NYAP2: variants seen among roughly 807,000 people sequenced by gnomAD.
NYAP2 encodes the protein neuronal tyrosine-phosphorylated phosphoinositide-3-kinase adapter 2.
A neutral mutation model predicts 50.4 loss-of-function variants in NYAP2; 23 were observed. The observed-to-expected ratio is 0.46, with a 90% CI of 0.33 to 0.65. The LOEUF (loss-of-function observed/expected upper bound fraction) is 0.65. Among genes scored for constraint, NYAP2 ranks in the 30% least tolerant of loss-of-function variants. The pLI, the probability that NYAP2 is intolerant of heterozygous loss-of-function variation, is 0.02. For synonymous variants in NYAP2, 394 were observed against 365.2 expected (o/e 1.08, Z -0.90); for missense variants, 885 against 861.0 (o/e 1.03, Z -0.35).
chr2:225,568,216 A>G lies in NYAP2; in HGVS notation c.524-13725A>G, dbSNP rs895648226. ...TGATTTCCCTCTGCCCTGTCCCTTC[A>G]TGCCTTCCCTTGACCTTTACTTAAA... On this transcript the variant is annotated intron_variant, in intron 4 of 6. Coordinates refer to ENST00000636099, the Ensembl canonical transcript of NYAP2. 3.3e-5 allele frequency among the ~76,000 whole-genome samples: 5 copies of G among 152,164 alleles called. 1 individual carries two copies. In the South Asian group the frequency reaches 1.0e-3, roughly 32 times the overall value.
chr2:225,548,266 A>G (rs191446423), intron 4 of NYAP2, among the ~76,000 whole-genome samples: 26 of 150,578 alleles, frequency 1.7e-4, no homozygotes, highest in Admixed American at 1.1e-3. Context: ...TCATACTTTT[A>G]AAATATGGAA....
intron 5 of NYAP2, among the ~76,000 whole-genome samples, chr2:225,603,069 G>A (rs1044402611): frequency 6.6e-6 from 1 of 152,126 alleles, no homozygotes; most frequent in Non-Finnish European, 1.5e-5. Context: ...AAAATATTAG[G>A]CTGAGGCGTC....
At chr2:225,668,920 T>G in the NYAP2 span, among the ~76,000 whole-genome samples, 1 of 137,106 alleles carries the variant, frequency 7.3e-6, no homozygotes, top group South Asian at 2.3e-4. Flanking sequence ...CAGGAATAAA[T>G]AAAGAAAAAA....
chr2:225,513,611 A>T, exon 4 of NYAP2: 1 of 1,560,948 alleles, frequency 6.4e-7, no homozygotes, highest in Admixed American at 1.9e-5. Flanking sequence ...TGAGCACCTC[A>T]TCAGAGACAG....
At chr2:225,671,818 A>C in the NYAP2 span, among the ~76,000 whole-genome samples, 2 of 152,178 alleles carry the variant, frequency 1.3e-5, no homozygotes, top group Non-Finnish European at 2.9e-5. Context: ...AGCAGGCATA[A>C]AAACATTAAT....
Position 225,582,421 on chromosome 2 carries a change from C to T in NYAP2, c.1004C>T (p.Pro335Leu). Residue 335 changes from proline to leucine, a missense_variant, in exon 5 of 7, where the codon CCG (proline) becomes CTG (leucine). Physicochemically the swap from Pro to Leu is moderately conservative, Grantham distance 98 (BLOSUM62 -3). Transcript: ENST00000636099. This position sits in a 1 kb window ranked among gnomAD's most constrained non-coding sequence, Gnocchi z 7.0. ...CCCAACCTGCTTTCTCACAGACCCC[C>T]GCTGCTGGTATTTCCCCCCGCCCCC... is the stretch of plus-strand genomic sequence containing the variant. 2.5e-6 allele frequency: 4 copies of T among 1,597,862 alleles called. No individual in the cohort carries two copies. The highest frequency in any genetic ancestry group is 3.4e-6 in the Non-Finnish European group (4 of 1,169,482).
chr2:225,621,711 AT>A (rs911827299), intron 5 of NYAP2, among the ~76,000 whole-genome samples: 200 of 148,884 alleles, frequency 1.3e-3, no homozygotes, highest in Non-Finnish European at 1.4e-3. Flanking sequence ...GTTTTTTTTT[AT>A]TTTTTTTTTA....
intron 4 of NYAP2, among the ~76,000 whole-genome samples, chr2:225,549,607 G>A (rs921692481): frequency 2.6e-5 from 4 of 152,162 alleles, no homozygotes. Context: ...AAAAAAATTT[G>A]ATTGTCATTA....
At chr2:225,604,429 A>C (rs1212871690) in intron 5 of NYAP2, among the ~76,000 whole-genome samples, 3 of 152,142 alleles carry the variant, frequency 2.0e-5, no homozygotes, top group Non-Finnish European at 1.5e-5. Context: ...AATCATATTT[A>C]ACTCCCTGAT....
intron 3 of NYAP2, among the ~76,000 whole-genome samples, chr2:225,501,388 A>C (rs980629446): frequency 4.7e-4 from 72 of 152,228 alleles, no homozygotes; most frequent in African/African-American, 1.6e-3. Context: ...GGGATTTGTT[A>C]AATAATGATT....
chr2:225,612,811 TGTGTGTGATGACATCACACC>T (rs1472993774), intron 5 of NYAP2, among the ~76,000 whole-genome samples: 1 of 59,690 alleles, frequency 1.7e-5, no homozygotes, highest in African/African-American at 6.3e-5. Flanking sequence ...TCACACCCAA[TGTGTGTGATGACATCACACC>T]CAATGTGTGT....
In NYAP2 at chr2:225,644,315, G is replaced by A. The variant is rs1478983302; in HGVS notation, c.1829-7117G>A. ...TTGTTTTTTTCCTGTAAATTTGTTT[G>A]AGTTCATTGTAGATTCTGGATATTA... On this transcript the variant is annotated intron_variant, in intron 6 of 6. Coordinates refer to ENST00000636099, the Ensembl canonical transcript of NYAP2. Among the ~76,000 whole-genome samples, 14 of 151,982 alleles carry A rather than the reference G, an allele frequency of 9.2e-5. No individual in the cohort carries two copies. The East Asian group carries it at 2.5e-3, about 27-fold the overall frequency.
intron 4 of NYAP2, among the ~76,000 whole-genome samples, chr2:225,525,140 G>T (rs1437424429): frequency 6.6e-6 from 1 of 152,168 alleles, no homozygotes; most frequent in East Asian, 1.9e-4. Flanking sequence ...GTTGGAATAT[G>T]TATTAGTACA....
At chr2:225,444,579 T>C (rs763234196) in intron 3 of NYAP2, among the ~76,000 whole-genome samples, 4 of 152,220 alleles carry the variant, frequency 2.6e-5, no homozygotes, top group African/African-American at 4.8e-5. Context: ...TACTATCTGT[T>C]CAATCAACTT....
chr2:225,646,755 A>C (rs898517218), intron 6 of NYAP2, among the ~76,000 whole-genome samples: 3 of 152,176 alleles, frequency 2.0e-5, no homozygotes, highest in Non-Finnish European at 4.4e-5. Flanking sequence ...GAACTAGCCC[A>C]CACAGGGTAC....
chr2:225,502,974 T>A (rs889697988), intron 3 of NYAP2, among the ~76,000 whole-genome samples: 2 of 152,220 alleles, frequency 1.3e-5, no homozygotes, highest in African/African-American at 4.8e-5. Context: ...TTTGTCCTCC[T>A]TAAAAATTAT....
At chr2:225,569,087 G>A (rs566912739) in intron 4 of NYAP2, among the ~76,000 whole-genome samples, 65 of 152,126 alleles carry the variant, frequency 4.3e-4, no homozygotes, top group Non-Finnish European at 2.5e-4. Flanking sequence ...ATGAGGGATA[G>A]CAAATAATTT....
chr2:225,464,450 CA>C (rs1405717121), intron 3 of NYAP2, among the ~76,000 whole-genome samples: 2 of 152,082 alleles, frequency 1.3e-5, no homozygotes, highest in African/African-American at 4.8e-5. Flanking sequence ...ATCTCTGGAT[CA>C]CAGGGAAAAT....
intron 6 of NYAP2, among the ~76,000 whole-genome samples, chr2:225,631,018 G>A (rs555369899): frequency 2.0e-5 from 3 of 152,316 alleles, no homozygotes; most frequent in Non-Finnish European, 2.9e-5. Context: ...CTCCTTTGGC[G>A]TGGTTAGAAC....
Sources: gnomAD v4.1 joint callset for allele counts (sites outside exome capture counted in the v4.1 genomes callset) on GRCh38, gnomAD v4.1.1 for gene constraint, Gnocchi (gnomAD v3.1) non-coding constraint, MANE v1.5 for transcripts, NCBI Gene and HGNC (gene_info 2026-07-23, HGNC 2026-07-21) for gene names.